The following DSP variants were observed in gnomAD, a reference collection of about 807,000 sequenced individuals.
DSP encodes desmoplakin, also known as 250/210 kDa paraneoplastic pemphigus antigen.
A neutral mutation model predicts 290.6 loss-of-function variants in DSP; 114 were observed. That is an observed-to-expected ratio of 0.39 (90% CI 0.34 to 0.46). DSP has a LOEUF of 0.46. DSP is among the 20% of genes least tolerant of loss of function. The pLI is 0.99. For missense variants in DSP, 3,230 were observed against 3,495.8 expected (o/e 0.92, Z 1.92); for synonymous variants, 1,311 against 1,316.4 (o/e 1.00, Z 0.09).
Position 7,584,691 on chromosome 6 carries a change from A to G in DSP, c.7429A>G (p.Met2477Val), listed in dbSNP as rs1284922212. The G allele has an allele frequency of 6.2e-7, 1 of 1,614,154 alleles. No homozygotes were observed. The highest frequency in any genetic ancestry group is 1.1e-5 in the South Asian group (1 of 91,088). ...AGTTGACCCAGAAACCAATAAAGAA[A>G]TGTCTGTTCAGGAGGCCTACAAGAA... ...VIVDPETNKE[M>V]SVQEAYKKGL... The change falls in exon 24 of 24, where the codon ATG becomes GTG. Residue 2477 changes from methionine to valine, a missense_variant. Around this residue, in one of 5 missense-constraint regions of DSP, gnomAD observed 582 missense variants for 555.4 expected, o/e 1.05. Transcript: ENST00000379802. This position sits in a 1 kb window ranked among gnomAD's most constrained non-coding sequence, Gnocchi z 6.4.
At chr6:7,570,170 C>CT (rs1758998608) in intron 12 of DSP, among the ~76,000 whole-genome samples, 1 of 152,200 alleles carries the variant, frequency 6.6e-6, no homozygotes, top group African/African-American at 2.4e-5. Context: ...CCTTAGACCT[C>CT]TGTCAATTAC....
chr6:7,542,132 G>T, intron 1 of DSP, 47 bp downstream of exon 1: 1 of 1,548,422 alleles, frequency 6.5e-7, no homozygotes, highest in Non-Finnish European at 8.7e-7. Flanking sequence ...CGCGGGACAG[G>T]GAGGGACCGT....
At chr6:7,561,001 G>T (rs886240646) in intron 4 of DSP, among the ~76,000 whole-genome samples, 6 of 151,748 alleles carry the variant, frequency 4.0e-5, no homozygotes, top group Non-Finnish European at 7.4e-5. Flanking sequence ...GCCCAGGCAG[G>T]AGTGCAGTGG....
chr6:7,543,754 T>C (rs7764001), intron 1 of DSP, among the ~76,000 whole-genome samples: 54,102 of 152,014 alleles, frequency 0.36, 9,713 homozygotes, highest in Middle Eastern at 0.42. Context: ...TTTTGCTAGC[T>C]TGGATTTCTT....
intron 1 of DSP, among the ~76,000 whole-genome samples, chr6:7,550,193 G>A (rs982830270): frequency 1.1e-4 from 16 of 151,464 alleles, no homozygotes; most frequent in Non-Finnish European, 2.2e-4. Flanking sequence ...ACTTACAGGC[G>A]TGTGCCTTCA....
intron 13 of DSP, among the ~76,000 whole-genome samples, 187 bp from the exon 14 acceptor site, chr6:7,571,196 T>G (rs567431906): frequency 1.7e-3 from 252 of 151,642 alleles, no homozygotes; most frequent in African/African-American, 5.9e-3. Context: ...AAAAAAAAAT[T>G]AGCAACCCAT....
Position 7,555,770 on chromosome 6 carries a change from C to T in DSP, c.223C>T (p.Leu75=), listed in dbSNP as rs746019083. Reference sequence around the variant, plus strand: ...GAACCAGAACACCATCCAGGAGCTGCTGCAGAACTGCTCCGACTGCTTGAT... The same window carrying T: ...GAACCAGAACACCATCCAGGAGCTGTTGCAGAACTGCTCCGACTGCTTGAT... ...HQNQNTIQEL[L]QNCSDCLMRA... The change falls in exon 2 of 24, where the codon CTG becomes TTG. Residue 75 remains leucine, a synonymous_variant. Transcript: ENST00000379802. 3 of 1,614,152 alleles carry T rather than the reference C, an allele frequency of 1.9e-6. No homozygotes were observed. In the Admixed American group the frequency reaches 5.0e-5, roughly 27 times the overall value.
intron 1 of DSP, among the ~76,000 whole-genome samples, chr6:7,553,928 G>A (rs897935347): frequency 9.2e-5 from 14 of 152,326 alleles, no homozygotes; most frequent in Non-Finnish European, 1.9e-4. Context: ...AACCCCAAAT[G>A]GGTGGCCAAA....
At position 7,565,586 on chromosome 6, in the gene DSP, C is replaced by T. The variant is rs749799060; in HGVS notation, c.939+66C>T. 384 of 1,588,614 alleles carry T rather than the reference C, an allele frequency of 2.4e-4. No individual in the cohort carries two copies. Among genetic ancestry groups the T allele is most frequent in the Non-Finnish European group, 3.0e-4 (349 of 1,158,518 alleles). ...CTGTTGCCTTGAAGAGCTGGGGTCT[C>T]GGGGAATGATTGGTCTATTAATAAT... On this transcript the variant is annotated intron_variant, in intron 7 of 23. Transcript: ENST00000379802. The surrounding 1 kb of genome is among the most constrained non-coding windows in gnomAD (Gnocchi z 4.2).
chr6:7,554,123 ACACC>A (rs1434957919), intron 1 of DSP, among the ~76,000 whole-genome samples: 14 of 150,874 alleles, frequency 9.3e-5, no homozygotes, highest in African/African-American at 3.4e-4. Flanking sequence ...ACACACACAC[ACACC>A]CAGTTGGTTA....
At chr6:7,566,576 C>T (rs1037789928) in intron 8 of DSP, 95 bp downstream of exon 8, 8 of 1,016,334 alleles carry the variant, frequency 7.9e-6, no homozygotes, top group East Asian at 2.6e-5. Context: ...GACTTAAAGC[C>T]GTGCCAACTT....
intron 6 of DSP, 69 bp downstream of exon 6, chr6:7,563,855 T>C (rs751683489): frequency 4.9e-6 from 7 of 1,423,120 alleles, no homozygotes; most frequent in South Asian, 2.3e-5. Context: ...TCAAGAAATA[T>C]CAAGCACATC....
In DSP at chr6:7,570,421, C is replaced by G. The variant is rs756806835; in HGVS notation, c.1575-16C>G. 9.3e-6 allele frequency: 15 copies of G among 1,613,938 alleles called. No homozygotes were observed. In the Admixed American group the frequency reaches 1.8e-4, roughly 20 times the overall value. On this transcript the variant is annotated splice_polypyrimidine_tract_variant and intron_variant, in intron 12 of 23. Coordinates refer to ENST00000379802, the MANE Select transcript of DSP (RefSeq NM_004415.4). ...GAAAGCCTGGCTCTAGCATGTTTTC[C>G]CTTTGTGCCTCTTAGGATTGAGCAG...
chr6:7,563,929 G>T, intron 6 of DSP, 143 bp downstream of exon 6: 1 of 773,608 alleles, frequency 1.3e-6, no homozygotes, highest in East Asian at 2.6e-5. Context: ...TCCTTTAGAA[G>T]TGAATTTTAA....
chr6:7,581,654 C>CT, intron 23 of DSP, 85 bp downstream of exon 23: 1 of 1,558,914 alleles, frequency 6.4e-7, no homozygotes, highest in Non-Finnish European at 8.7e-7. Flanking sequence ...GCTCTTTCTG[C>CT]TTAAATAGAT....
At position 7,577,407 on chromosome 6, in the gene DSP, C is replaced by T. The variant is rs181241889; in HGVS notation, c.2877+365C>T. Among the ~76,000 whole-genome samples, 5 of 152,266 alleles carry T rather than the reference C, an allele frequency of 3.3e-5. No homozygotes were observed. In the East Asian group the frequency reaches 7.7e-4, roughly 24 times the overall value. ...GCAGTGGTGTGATCTCGGCTCACCGCAACCTCTGCCTCCTGGGTTCAAGTG... is the reference window on the plus strand; with the variant it reads ...GCAGTGGTGTGATCTCGGCTCACCGTAACCTCTGCCTCCTGGGTTCAAGTG... On this transcript the variant is annotated intron_variant, in intron 20 of 23. Transcript: ENST00000379802.
intron 1 of DSP, among the ~76,000 whole-genome samples, chr6:7,552,564 G>GAAAAA (rs377022218): frequency 3.0e-5 from 3 of 101,610 alleles, no homozygotes; most frequent in Non-Finnish European, 5.9e-5. Flanking sequence ...CTCCATCTCG[G>GAAAAA]AAAAAAAAAA....
In DSP at chr6:7,580,010, G is replaced by A. The variant is rs1285435504; in HGVS notation, c.3820G>A (p.Ala1274Thr). 74 of 1,613,974 alleles carry A rather than the reference G, an allele frequency of 4.6e-5. No individual in the cohort carries two copies. The highest frequency in any genetic ancestry group is 6.1e-5 in the Non-Finnish European group (72 of 1,180,024). Reference sequence around the variant, plus strand: ...GCAGCGAAGGCGAGCTGAAGAAAACGCCCTTCAGCAAAAGGCCTGTGGCTC... The same window carrying A: ...GCAGCGAAGGCGAGCTGAAGAAAACACCCTTCAGCAAAAGGCCTGTGGCTC... ...TEQRRRAEEN[A>T]LQQKACGSEI... Residue 1274 changes from alanine to threonine, a missense_variant, in exon 23 of 24, where the codon GCC (alanine) becomes ACC (threonine). Physicochemically the swap from Ala to Thr is moderately conservative, Grantham distance 58 (BLOSUM62 0). Around this residue, in one of 5 missense-constraint regions of DSP, gnomAD observed 1,714 missense variants for 1,844.5 expected, o/e 0.93. Coordinates refer to ENST00000379802, the MANE Select transcript of DSP (RefSeq NM_004415.4). This position sits in a 1 kb window ranked among gnomAD's most constrained non-coding sequence, Gnocchi z 4.2.
At position 7,563,812 on chromosome 6, in the gene DSP, A is replaced by T. The variant is rs745995077; in HGVS notation, c.777+26A>T. 3 of 1,606,172 alleles carry T rather than the reference A, an allele frequency of 1.9e-6. No individual in the cohort carries two copies. The Admixed American group carries it at 5.0e-5, about 27-fold the overall frequency. On this transcript the variant is annotated intron_variant, in intron 6 of 23. Transcript: ENST00000379802. ...GTAAGCTGATTTATTTCTCAAGTGC[A>T]TCGACTTTCTGTTGTTTCCAATTCA...
Sources: gnomAD v4.1 joint callset for allele counts (sites outside exome capture counted in the v4.1 genomes callset) on GRCh38, gnomAD v4.1.1 for gene constraint, gnomAD v4.1.1 regional missense constraint, Gnocchi (gnomAD v3.1) non-coding constraint, MANE v1.5 for transcripts, NCBI Gene and HGNC (gene_info 2026-07-23, HGNC 2026-07-21) for gene names.